Variants in PCDHGA10 observed in about 807,000 individuals in gnomAD.
PCDHGA10 encodes the protein protocadherin gamma subfamily A, 10.
In PCDHGA10, 42 loss-of-function variants were observed where a neutral mutation model predicts 59.5. That is an observed-to-expected ratio of 0.71 (90% CI 0.55 to 0.91). PCDHGA10 has a LOEUF of 0.91. Ranked by LOEUF, PCDHGA10 falls within the 40% of genes least tolerant of loss-of-function variation. The pLI is 0.00. For missense variants in PCDHGA10, 1,111 were observed against 1,198.2 expected (o/e 0.93, Z 1.07); for synonymous variants, 511 against 517.2 (o/e 0.99, Z 0.16).
chr5:141,417,028 GTTT>G, intron 1 of PCDHGA10: 2 of 150,056 alleles, frequency 1.3e-5, no homozygotes, highest in East Asian at 3.9e-4. Flanking sequence ...AAAAATACAG[GTTT>G]TTTTTTTAAA....
chr5:141,461,286 C>T (rs2099012487), intron 1 of PCDHGA10, among the ~76,000 whole-genome samples: 1 of 152,144 alleles, frequency 6.6e-6, no homozygotes, highest in Admixed American at 6.6e-5. Context: ...TTCCCCACAT[C>T]CACACCAACA....
Position 141,511,039 on chromosome 5 carries a change from C to T in PCDHGA10, c.2677C>T (p.Pro893Ser). 1 of 1,614,196 alleles carries T rather than the reference C, an allele frequency of 6.2e-7. No homozygotes were observed. ...YGPQFTLQHV[P>S]DYRQNVYIPG... ...ACCCCAGTTCACCCTGCAGCACGTGCCCGACTACCGCCAGAATGTCTACAT... is the reference window on the plus strand; with the variant it reads ...ACCCCAGTTCACCCTGCAGCACGTGTCCGACTACCGCCAGAATGTCTACAT... The change falls in exon 4 of 4, where the codon CCC (proline) becomes TCC (serine). Residue 893 changes from proline (P) to serine (S), a missense_variant. Physicochemically the swap from Pro to Ser is moderately conservative, Grantham distance 74. Coordinates refer to ENST00000398610, the MANE Select transcript of PCDHGA10 (RefSeq NM_018913.3).
chr5:141,440,960 A>C (rs1467379261), intron 1 of PCDHGA10: 2 of 152,248 alleles, frequency 1.3e-5, no homozygotes, highest in Non-Finnish European at 2.9e-5. Flanking sequence ...CAAGGCAGAG[A>C]TCACATATGG....
intron 2 of PCDHGA10, among the ~76,000 whole-genome samples, chr5:141,499,612 C>T (rs1489412444): frequency 6.6e-6 from 1 of 151,968 alleles, no homozygotes; most frequent in African/African-American, 2.4e-5. Context: ...TACCCTTATC[C>T]TGTCCTTGGA....
chr5:141,415,848 A>C (rs1222834072), intron 1 of PCDHGA10: 1 of 1,241,178 alleles, frequency 8.1e-7, no homozygotes, highest in Non-Finnish European at 1.0e-6. Context: ...GCTTTGCAGA[A>C]CCTTGTAGTT....
rs575695102 is a variant in PCDHGA10 at position 141,421,063 on chromosome 5, G to C, written c.2436+5452G>C. 16 of 581,866 alleles carry C rather than the reference G, an allele frequency of 2.7e-5. No individual in the cohort carries two copies. The African/African-American group carries it at 2.9e-4, about 10-fold the overall frequency. 36.0% of individuals were successfully genotyped at this position (581,866 alleles called of 1,614,324 possible). A position where few individuals can be genotyped will look rare whatever the true frequency, so the allele number is the denominator to read the frequency against. ...CTCCCCCGCCTCTACCACACAAAGC[G>C]GAATGAGATGGATACTCACAGATCC... On this transcript the variant is annotated intron_variant, in intron 1 of 3. Coordinates refer to ENST00000398610, the MANE Select transcript of PCDHGA10 (RefSeq NM_018913.3).
Position 141,491,885 on chromosome 5 carries a change from G to T in PCDHGA10, c.2437-2922G>T. On this transcript the variant is annotated intron_variant, in intron 1 of 3. Transcript: ENST00000398610. The surrounding 1 kb of genome is among the most constrained non-coding windows in gnomAD (Gnocchi z 6.9). ...ACCAGAGTGGCCGATTAAGGGATGG[G>T]GCTCCGAGCACCGGGGGTGGTGGCG... The T allele has an allele frequency of 6.9e-7, 1 of 1,445,748 alleles. No homozygotes were observed. Among genetic ancestry groups the T allele is most frequent in the Non-Finnish European group, 9.1e-7 (1 of 1,093,758 alleles). The allele number at this position is 1,445,748 out of a possible 1,614,324, so 89.6% of individuals were successfully genotyped here. A position where few individuals can be genotyped will look rare whatever the true frequency, so the allele number is the denominator to read the frequency against.
At chr5:141,466,684 G>A (rs1337230884) in intron 1 of PCDHGA10, among the ~76,000 whole-genome samples, 1 of 152,034 alleles carries the variant, frequency 6.6e-6, no homozygotes, top group Non-Finnish European at 1.5e-5. Flanking sequence ...TTCCACTCAA[G>A]CTTCATCATA....
rs148119281 is a variant in PCDHGA10, at chr5:141,511,006, C to T, written c.2644C>T (p.Arg882Cys). The T allele has an allele frequency of 3.5e-5, 56 of 1,614,078 alleles. No individual in the cohort carries two copies. Among genetic ancestry groups the T allele is most frequent in the African/African-American group, 5.3e-5 (4 of 74,922 alleles). The change falls in exon 4 of 4, where the codon CGC (arginine) becomes TGC (cysteine). Residue 882 changes from arginine to cysteine, a missense_variant. By Grantham distance (180) the Arg-to-Cys change is radical. Transcript: ENST00000398610. Reference protein sequence around the residue: ...GGAGTMGLSARYGPQFTLQHV... With the variant: ...GGAGTMGLSACYGPQFTLQHV... ...TGCCGGCACCATGGGATTGAGCGCC[C>T]GCTACGGACCCCAGTTCACCCTGCA...
intron 1 of PCDHGA10, chr5:141,418,035 T>C: frequency 6.2e-7 from 1 of 1,614,000 alleles, no homozygotes; most frequent in Non-Finnish European, 8.5e-7. Context: ...CTTAGTGTCC[T>C]GGATGTGTCG....
Position 141,489,079 on chromosome 5 carries a change from C to CCCCA in PCDHGA10, c.2437-5727_2437-5726insCCAC. ...CTCCCCTCCCCCCTGCCCACCCCCGCCACTCGGTGACTAAGAACTGCTGCA... is the reference window on the plus strand; with the variant it reads ...CTCCCCTCCCCCCTGCCCACCCCCGCCCCACACTCGGTGACTAAGAACTGCTGCA... On this transcript the variant is annotated intron_variant, in intron 1 of 3. Transcript: ENST00000398610. This position sits in a 1 kb window ranked among gnomAD's most constrained non-coding sequence, Gnocchi z 4.5. The CCCCA allele has an allele frequency of 9.1e-6, 3 of 329,992 alleles. No homozygotes were observed. Among genetic ancestry groups the CCCCA allele is most frequent in the African/African-American group, 2.4e-5 (1 of 41,312 alleles). The allele number at this position is 329,992 out of a possible 1,614,324, so 20.4% of individuals were successfully genotyped here.
intron 1 of PCDHGA10, among the ~76,000 whole-genome samples, chr5:141,450,467 T>G (rs997813636): frequency 1.3e-5 from 2 of 151,944 alleles, no homozygotes; most frequent in African/African-American, 2.4e-5. Flanking sequence ...ATTTTATATA[T>G]AGAGTTTGTT....
At chr5:141,500,453 C>G (rs1403599390) in intron 2 of PCDHGA10, among the ~76,000 whole-genome samples, 1 of 152,246 alleles carries the variant, frequency 6.6e-6, no homozygotes, top group African/African-American at 2.4e-5. Flanking sequence ...TCGTGATCCG[C>G]CCGCCTCGGC....
chr5:141,466,115 C>A (rs2099117208), intron 1 of PCDHGA10, among the ~76,000 whole-genome samples: 1 of 151,618 alleles, frequency 6.6e-6, no homozygotes, highest in African/African-American at 2.4e-5. Context: ...GAGTGAGACT[C>A]CAGCTCAAAA....
intron 2 of PCDHGA10, among the ~76,000 whole-genome samples, chr5:141,501,200 G>A (rs888856586): frequency 1.3e-5 from 2 of 151,854 alleles, no homozygotes; most frequent in African/African-American, 4.8e-5. Context: ...AATTCAGGGT[G>A]TTGTCAGGGT....
intron 1 of PCDHGA10, chr5:141,422,116 T>G (rs753281558): frequency 1.2e-6 from 2 of 1,604,612 alleles, no homozygotes; most frequent in African/African-American, 1.3e-5. Flanking sequence ...CCAATTGGAT[T>G]CACAAACTGG....
At chr5:141,427,525 C>T (rs779318429) in intron 1 of PCDHGA10, 9 of 611,980 alleles carry the variant, frequency 1.5e-5, no homozygotes, top group South Asian at 3.0e-5. Flanking sequence ...GAGCGGATCC[C>T]GGAGTACAAC....
intron 1 of PCDHGA10, among the ~76,000 whole-genome samples, chr5:141,465,409 A>G (rs1037916815): frequency 3.3e-5 from 5 of 152,188 alleles, no homozygotes; most frequent in African/African-American, 4.8e-5. Flanking sequence ...AAGAAGCCAA[A>G]TCAGCACTGA....
At position 141,431,612 on chromosome 5, in the gene PCDHGA10, G is replaced by A. The variant is rs79883194; in HGVS notation, c.2436+16001G>A. 1.9e-6 allele frequency: 3 copies of A among 1,614,126 alleles called. No homozygotes were observed. The highest frequency in any genetic ancestry group is 2.5e-6 in the Non-Finnish European group (3 of 1,180,052). ...AGTGAGGTATTCCTTCCGGTATGTG[G>A]ACGACAAGGCGGCCCAAGTTTTCAA... On this transcript the variant is annotated intron_variant, in intron 1 of 3. Coordinates refer to ENST00000398610, the MANE Select transcript of PCDHGA10 (RefSeq NM_018913.3). This position sits in a 1 kb window ranked among gnomAD's most constrained non-coding sequence, Gnocchi z 4.8.
Sources: gnomAD v4.1 joint callset for allele counts (sites outside exome capture counted in the v4.1 genomes callset) on GRCh38, gnomAD v4.1.1 for gene constraint, Gnocchi (gnomAD v3.1) non-coding constraint, MANE v1.5 for transcripts, NCBI Gene and HGNC (gene_info 2026-07-23, HGNC 2026-07-21) for gene names.